FHAD1: variants seen among roughly 807,000 people sequenced by gnomAD.
FHAD1 encodes forkhead associated phosphopeptide binding domain 1.
A neutral mutation model predicts 191.3 loss-of-function variants in FHAD1; 146 were observed. The observed-to-expected ratio is 0.76, with a 90% CI of 0.67 to 0.88. FHAD1 has a LOEUF of 0.88. Ranked by LOEUF, FHAD1 falls within the 40% of genes least tolerant of loss-of-function variation. The probability of loss-of-function intolerance (pLI) is 0.00; values close to 1 mark genes in which losing one functional copy is unlikely to be tolerated. For synonymous variants in FHAD1, 616 were observed against 672.3 expected (o/e 0.92, Z 1.29); for missense variants, 1,635 against 1,785.8 (o/e 0.92, Z 1.52).
At chr1:15,281,094 T>G (rs962559557) in intron 3 of FHAD1, among the ~76,000 whole-genome samples, 4 of 152,324 alleles carry the variant, frequency 2.6e-5, no homozygotes, top group East Asian at 1.9e-4. Context: ...AGACTTAGAA[T>G]TATTGCCCCA....
chr1:15,312,295 A>G lies in FHAD1; in HGVS notation c.1040-762A>G, dbSNP rs1474215757. On this transcript the variant is annotated intron_variant, in intron 7 of 33. Coordinates refer to ENST00000688493, the MANE Select transcript of FHAD1 (RefSeq NM_001391957.1). The surrounding 1 kb of genome is among the most constrained non-coding windows in gnomAD (Gnocchi z 4.7). ...TTGTGGGTGGCAGGGAATAAACACT[A>G]TGTGTTAGCCACTCTACTATGTTCT... is the stretch of plus-strand genomic sequence containing the variant. 1 of 152,196 alleles carries G rather than the reference A, an allele frequency of 6.6e-6. No individual in the cohort carries two copies. Among genetic ancestry groups the G allele is most frequent in the Non-Finnish European group, 1.5e-5 (1 of 68,042 alleles). 9.4% of individuals were successfully genotyped at this position (152,196 alleles called of 1,614,324 possible). A position where few individuals can be genotyped will look rare whatever the true frequency, so the allele number is the denominator to read the frequency against.
intron 2 of FHAD1, among the ~76,000 whole-genome samples, chr1:15,261,102 T>G (rs1440779216): frequency 6.6e-6 from 1 of 152,180 alleles, no homozygotes; most frequent in Non-Finnish European, 1.5e-5. Flanking sequence ...AAGAGGATGA[T>G]GCTATCATTT....
chr1:15,299,452 G>T (rs1668050554), intron 5 of FHAD1, among the ~76,000 whole-genome samples: 1 of 152,130 alleles, frequency 6.6e-6, no homozygotes, highest in Admixed American at 6.5e-5. Context: ...TAAAGTTTAT[G>T]ATCCAAAAGG....
intron 3 of FHAD1, among the ~76,000 whole-genome samples, chr1:15,284,176 A>C (rs1195670694): frequency 6.6e-6 from 1 of 152,224 alleles, no homozygotes; most frequent in Non-Finnish European, 1.5e-5. Flanking sequence ...TTGGTGGTTC[A>C]AAGCCAAGTG....
In FHAD1 at chr1:15,289,522, G is replaced by T. The variant is rs543339451; in HGVS notation, c.424G>T (p.Ala142Ser). 6.4e-7 allele frequency: 1 copy of T among 1,551,888 alleles called. No homozygotes were observed. The highest frequency in any genetic ancestry group is 8.7e-7 in the Non-Finnish European group (1 of 1,147,042). The change falls in exon 4 of 34, where the codon GCA (alanine) becomes TCA (serine). Residue 142 changes from alanine to serine, a missense_variant. Coordinates refer to ENST00000688493, the MANE Select transcript of FHAD1 (RefSeq NM_001391957.1). The surrounding 1 kb of genome is among the most constrained non-coding windows in gnomAD (Gnocchi z 4.2). ...CCCCTTCCACCAAGGTGTCCAGCCA[G>T]CACCGATGCAAAGGAGCTGGTCCCA... ...HIPFHQGVQP[A>S]PMQRSWSQAF...
chr1:15,357,968 G>A lies in FHAD1; in HGVS notation c.2563-142G>A, dbSNP rs1250183358. 4 of 610,388 alleles carry A rather than the reference G, an allele frequency of 6.6e-6. No individual in the cohort carries two copies. The East Asian group carries it at 1.3e-4, about 19-fold the overall frequency. The allele number at this position is 610,388 out of a possible 1,614,324, so 37.8% of individuals were successfully genotyped here. On this transcript the variant is annotated intron_variant, in intron 20 of 33. Transcript: ENST00000688493. Reference sequence around the variant, plus strand: ...ATAATAATTGGAACCTTCCAGAGAAGGCATGGACTTTGTGCTTTAAAAGAA... The same window carrying A: ...ATAATAATTGGAACCTTCCAGAGAAAGCATGGACTTTGTGCTTTAAAAGAA...
intron 26 of FHAD1, among the ~76,000 whole-genome samples, chr1:15,370,936 A>G (rs1697897176): frequency 6.6e-6 from 1 of 152,162 alleles, no homozygotes; most frequent in Admixed American, 6.5e-5. Flanking sequence ...CCTGCCAGAC[A>G]GCATTGAGCC....
chr1:15,291,212 G>A (rs1371737131), intron 4 of FHAD1, among the ~76,000 whole-genome samples: 2 of 150,334 alleles, frequency 1.3e-5, no homozygotes, highest in Non-Finnish European at 2.9e-5. Context: ...CTCCCAAGTA[G>A]CTGGGATTAC....
At chr1:15,257,934 T>C (rs1163539334) in intron 2 of FHAD1, among the ~76,000 whole-genome samples, 1 of 152,086 alleles carries the variant, frequency 6.6e-6, no homozygotes, top group African/African-American at 2.4e-5. Context: ...CTCTGCCTCC[T>C]GGGTTTAAGT....
At chr1:15,364,195 A>G (rs940960973) in intron 23 of FHAD1, 1 of 179,380 alleles carries the variant, frequency 5.6e-6, no homozygotes, top group Admixed American at 5.8e-5. Context: ...ATGCACACAC[A>G]GAATATACTA....
At chr1:15,295,506 C>G (rs953685875) in intron 4 of FHAD1, among the ~76,000 whole-genome samples, 7 of 151,958 alleles carry the variant, frequency 4.6e-5, no homozygotes, top group Non-Finnish European at 7.4e-5. Flanking sequence ...TACTTGGGAG[C>G]CTGAAGTGGG....
In FHAD1 at chr1:15,311,741, C is replaced by T. The variant is rs1221591220; in HGVS notation, c.1040-1316C>T. Among the ~76,000 whole-genome samples the T allele has an allele frequency of 2.0e-5, 3 of 152,240 alleles. No homozygotes were observed. The highest frequency in any genetic ancestry group is 3.8e-4 in the East Asian group (2 of 5,204). Reference sequence around the variant, plus strand: ...CAATACCACTGCATTATGCACCCTTCTTCTCACTTTTTCTCAATGTGATAA... The same window carrying T: ...CAATACCACTGCATTATGCACCCTTTTTCTCACTTTTTCTCAATGTGATAA... On this transcript the variant is annotated intron_variant, in intron 7 of 33. Transcript: ENST00000688493. This position sits in a 1 kb window ranked among gnomAD's most constrained non-coding sequence, Gnocchi z 4.1.
intron 25 of FHAD1, 69 bp from the exon 26 acceptor site, chr1:15,369,301 C>G (rs112885598): frequency 6.7e-7 from 1 of 1,493,038 alleles, no homozygotes; most frequent in Non-Finnish European, 9.1e-7. Context: ...ATGTCCTGGT[C>G]TTCCAATGAG....
At chr1:15,290,881 TG>T (rs1228440702) in intron 4 of FHAD1, among the ~76,000 whole-genome samples, 3 of 151,214 alleles carry the variant, frequency 2.0e-5, no homozygotes, top group Non-Finnish European at 4.4e-5. Context: ...GCTAATTTTT[TG>T]TTTTTGTATT....
Position 15,398,322 on chromosome 1 carries a change from CCAAT to C in FHAD1, c.*912_*915del, listed in dbSNP as rs1481920819. ...TGTTTATTGTAATAAATTTAGAACA[CCAAT>C]CAGTTTTATTGCTTCCATAATAATG... On this transcript the variant is annotated 3_prime_UTR_variant, in exon 34 of 34. Transcript: ENST00000688493. Among the ~76,000 whole-genome samples the C allele has an allele frequency of 1.3e-5, 2 of 151,324 alleles. No individual in the cohort carries two copies. Among genetic ancestry groups the C allele is most frequent in the Non-Finnish European group, 2.9e-5 (2 of 67,814 alleles).
At chr1:15,345,578 G>C in intron 18 of FHAD1, 55 bp downstream of exon 18, 1 of 1,400,366 alleles carries the variant, frequency 7.1e-7, no homozygotes, top group Non-Finnish European at 9.9e-7. Context: ...GGGCCATGTG[G>C]AAGGAAGTTC....
At chr1:15,337,316 G>T (rs760819072) in intron 14 of FHAD1, among the ~76,000 whole-genome samples, 1 of 152,102 alleles carries the variant, frequency 6.6e-6, no homozygotes, top group Non-Finnish European at 1.5e-5. Flanking sequence ...ACACCCCACC[G>T]CAACCCCAAC....
rs140743124 is a variant in FHAD1 at position 15,342,302 on chromosome 1, A to G, written c.2130+414A>G. Among the ~76,000 whole-genome samples, 140 of 152,274 alleles carry G rather than the reference A, an allele frequency of 9.2e-4. 4 individuals are homozygous for G. In the East Asian group the frequency reaches 0.027, roughly 29 times the overall value. On this transcript the variant is annotated intron_variant, in intron 16 of 33. Coordinates refer to ENST00000688493, the MANE Select transcript of FHAD1 (RefSeq NM_001391957.1). Reference sequence around the variant, plus strand: ...GGGGAAACAAATGGTCAAAATTGCTACTGACTTTTCTAGAAATCAAGCCAG... The same window carrying G: ...GGGGAAACAAATGGTCAAAATTGCTGCTGACTTTTCTAGAAATCAAGCCAG...
At chr1:15,357,980 G>A (rs2102596438) in intron 20 of FHAD1, 130 bp from the exon 21 acceptor site, 1 of 655,826 alleles carries the variant, frequency 1.5e-6, no homozygotes, top group Non-Finnish European at 2.5e-6. Flanking sequence ...CATGGACTTT[G>A]TGCTTTAAAA....
Sources: allele counts gnomAD v4.1 joint callset (sites outside exome capture counted in the v4.1 genomes callset), GRCh38; gene constraint gnomAD v4.1.1; non-coding constraint Gnocchi (gnomAD v3.1); transcripts MANE v1.5; gene names NCBI Gene and HGNC (gene_info 2026-07-23, HGNC 2026-07-21).